The following DCDC1 variants were observed in gnomAD, a reference collection of about 807,000 sequenced individuals.
The protein encoded by DCDC1 is doublecortin domain-containing protein 1.
A neutral mutation model predicts 178.3 loss-of-function variants in DCDC1; 200 were observed. The ratio of observed to expected loss-of-function variants is 1.12; its 90% CI spans 1.00 to 1.26. DCDC1 has a LOEUF of 1.26. Ranked by LOEUF, DCDC1 falls within the 50% of genes most tolerant of loss-of-function variation. The pLI is 0.00. For missense variants in DCDC1, 1,983 were observed against 1,749.2 expected, an observed-to-expected ratio of 1.13 and a Z score of -2.38; for synonymous variants, 690 against 604.8, an observed-to-expected ratio of 1.14 and a Z score of -2.07.
At chr11:31,366,241 TTA>T (rs1951951616) in intron 1 of DCDC1, among the ~76,000 whole-genome samples, 1 of 152,202 alleles carries the variant, frequency 6.6e-6, no homozygotes, top group South Asian at 2.1e-4. Context: ...CTAACATAGT[TTA>T]TATTTCCACT....
At chr11:30,975,406 A>C (rs1031125333) in intron 20 of DCDC1, among the ~76,000 whole-genome samples, 2 of 152,118 alleles carry the variant, frequency 1.3e-5, no homozygotes, top group African/African-American at 4.8e-5. Context: ...AAAGGCATCC[A>C]AATTGGAAAA....
At chr11:31,303,098 G>T (rs536848708) in intron 6 of DCDC1, among the ~76,000 whole-genome samples, 4 of 152,242 alleles carry the variant, frequency 2.6e-5, no homozygotes, top group Non-Finnish European at 4.4e-5. Flanking sequence ...ATAAAAATGT[G>T]TTGATTTAAA....
chr11:31,243,070 C>T (rs1002428646), intron 8 of DCDC1, among the ~76,000 whole-genome samples: 1 of 151,792 alleles, frequency 6.6e-6, no homozygotes, highest in South Asian at 2.1e-4. Context: ...CATTTTTATA[C>T]TGTCTTAGAG....
intron 8 of DCDC1, among the ~76,000 whole-genome samples, chr11:31,253,459 T>C (rs1001380605): frequency 1.3e-5 from 2 of 151,682 alleles, no homozygotes; most frequent in African/African-American, 4.8e-5. Context: ...GAGATTTTTT[T>C]AAAAGTAAAA....
Position 31,361,599 on chromosome 11 carries a change from A to G in DCDC1, c.-125+8098T>C, listed in dbSNP as rs555184028. On this transcript the variant is annotated intron_variant, in intron 1 of 38. Coordinates refer to ENST00000684477, the MANE Select transcript of DCDC1 (RefSeq NM_001387274.1). ...CAGGTTCAAGCCATTCTCCTGCCTC[A>G]GCCTCTGAGTAGCTGGCACTACAGG... Among the ~76,000 whole-genome samples the G allele has an allele frequency of 1.9e-3, 292 of 152,198 alleles. 1 individual carries two copies. Among genetic ancestry groups the G allele is most frequent in the South Asian group, 4.6e-3 (22 of 4,808 alleles).
intron 7 of DCDC1, among the ~76,000 whole-genome samples, chr11:31,270,329 A>G (rs1227844247): frequency 1.3e-5 from 2 of 152,246 alleles, no homozygotes; most frequent in African/African-American, 4.8e-5. Flanking sequence ...GATCATTTAC[A>G]TATCTTCTAT....
chr11:31,055,512 G>C (rs892071017), intron 20 of DCDC1, among the ~76,000 whole-genome samples: 2 of 152,166 alleles, frequency 1.3e-5, no homozygotes, highest in African/African-American at 4.8e-5. Context: ...TATCTACCCA[G>C]AGGAAAAGAA....
chr11:30,892,773 A>C (rs746907666), intron 36 of DCDC1, 45 bp downstream of exon 36: 2 of 1,605,322 alleles, frequency 1.2e-6, no homozygotes, highest in South Asian at 1.1e-5. Context: ...CAGAGCTGGG[A>C]TTCAAACTCA....
intron 20 of DCDC1, among the ~76,000 whole-genome samples, chr11:30,960,210 T>C: frequency 6.6e-6 from 1 of 152,184 alleles, no homozygotes; most frequent in East Asian, 1.9e-4. Context: ...ATATCTTATA[T>C]AAGCATACTT....
At chr11:31,119,875 GA>G (rs1960543931) in intron 11 of DCDC1, among the ~76,000 whole-genome samples, 1 of 152,172 alleles carries the variant, frequency 6.6e-6, no homozygotes, top group Admixed American at 6.5e-5. Flanking sequence ...AAAAAGGTAA[GA>G]AGATGAACAG....
intron 20 of DCDC1, among the ~76,000 whole-genome samples, chr11:31,009,832 G>A (rs1039064889): frequency 6.6e-6 from 1 of 152,162 alleles, no homozygotes; most frequent in African/African-American, 2.4e-5. Flanking sequence ...TTGCTGGGGA[G>A]GCCTCAGGAA....
chr11:31,081,068 G>A (rs888447443), intron 17 of DCDC1, among the ~76,000 whole-genome samples: 5 of 152,148 alleles, frequency 3.3e-5, no homozygotes, highest in Admixed American at 1.3e-4. Context: ...TGTCCACCAA[G>A]CTGGCAACTG....
intron 9 of DCDC1, among the ~76,000 whole-genome samples, chr11:31,214,994 T>C (rs1450189962): frequency 6.6e-6 from 1 of 151,922 alleles, no homozygotes; most frequent in Non-Finnish European, 1.5e-5. Context: ...CAGGACATTT[T>C]AATAGTTACA....
intron 12 of DCDC1, among the ~76,000 whole-genome samples, chr11:31,108,756 G>T (rs1386767173): frequency 1.3e-5 from 2 of 152,204 alleles, no homozygotes; most frequent in Admixed American, 6.5e-5. Context: ...ACAGTCTTCA[G>T]GAGGTAAGGG....
At chr11:30,930,045 T>A (rs983120276) in intron 22 of DCDC1, among the ~76,000 whole-genome samples, 9 of 152,162 alleles carry the variant, frequency 5.9e-5, no homozygotes, top group Non-Finnish European at 1.2e-4. Flanking sequence ...TATATCTATA[T>A]TTCATACTTC....
intron 20 of DCDC1, among the ~76,000 whole-genome samples, chr11:31,009,660 T>C (rs1286731819): frequency 1.3e-5 from 2 of 152,082 alleles, no homozygotes; most frequent in African/African-American, 2.4e-5. Context: ...AGGGTGCAAA[T>C]TCCCCTCTCC....
chr11:31,368,786 A>C (rs1952108315), intron 1 of DCDC1, among the ~76,000 whole-genome samples: 1 of 152,240 alleles, frequency 6.6e-6, no homozygotes, highest in Admixed American at 6.5e-5. Context: ...TAACATCTCC[A>C]AGTGAAATTT....
intron 20 of DCDC1, among the ~76,000 whole-genome samples, chr11:30,959,203 C>T (rs935812829): frequency 6.6e-6 from 1 of 152,052 alleles, no homozygotes; most frequent in Non-Finnish European, 1.5e-5. Flanking sequence ...GAGACTGCAA[C>T]GGATGACCAC....
At chr11:31,035,292 T>C (rs999851455) in intron 20 of DCDC1, among the ~76,000 whole-genome samples, 2 of 152,322 alleles carry the variant, frequency 1.3e-5, no homozygotes, top group East Asian at 1.9e-4. Context: ...CTACAGGCTA[T>C]GTATTTGTAT....
Sources: allele counts gnomAD v4.1 joint callset (sites outside exome capture counted in the v4.1 genomes callset), GRCh38; gene constraint gnomAD v4.1.1; transcripts MANE v1.5; gene names NCBI Gene and HGNC (gene_info 2026-07-23, HGNC 2026-07-21).